The following ALG11 variants were observed in gnomAD, a reference collection of about 807,000 sequenced individuals.
ALG11 encodes ALG11 alpha-1,2-mannosyltransferase.
In ALG11, 26 loss-of-function variants were observed where a neutral mutation model predicts 38.8. That is an observed-to-expected ratio of 0.67 (90% CI 0.49 to 0.93). ALG11 has a LOEUF of 0.93. Among genes scored for constraint, ALG11 ranks in the 40% least tolerant of loss-of-function variants. The probability of loss-of-function intolerance (pLI) is 0.00; values close to 1 mark genes in which losing one functional copy is unlikely to be tolerated. For synonymous variants in ALG11, 199 were observed against 211.6 expected (o/e 0.94, Z 0.52); for missense variants, 535 against 578.8 (o/e 0.92, Z 0.78).
Position 52,032,813 on chromosome 13 carries a change from A to C in ALG11, c.*4223A>C. ...TCTCTTATTTTCAGCTTTACAGACAAGAACAATTTAAATCTAAAGAATTTA... is the reference window on the plus strand; with the variant it reads ...TCTCTTATTTTCAGCTTTACAGACACGAACAATTTAAATCTAAAGAATTTA... On this transcript the variant is annotated 3_prime_UTR_variant, in exon 4 of 4. Transcript: ENST00000521508. 1.8e-5 allele frequency: 3 copies of C among 167,238 alleles called. No homozygotes were observed. 10.4% of individuals were successfully genotyped at this position (167,238 alleles called of 1,614,324 possible).
At position 52,012,411 on chromosome 13, in the gene ALG11, G is replaced by A; in HGVS notation, c.-8G>A. On this transcript the variant is annotated 5_prime_UTR_variant, in exon 1 of 4. Coordinates refer to ENST00000521508, the MANE Select transcript of ALG11 (RefSeq NM_001004127.3). ...GAAGCGTTTCCTGAGTTCGGGGGTCGGCGGAAGATGGCGGCCGGCGAAAGG... is the reference window on the plus strand; with the variant it reads ...GAAGCGTTTCCTGAGTTCGGGGGTCAGCGGAAGATGGCGGCCGGCGAAAGG... The A allele has an allele frequency of 1.2e-6, 2 of 1,614,168 alleles. No homozygotes were observed. The highest frequency in any genetic ancestry group is 1.7e-6 in the Non-Finnish European group (2 of 1,180,048).
chr13:52,013,095 C>A (rs1954096866), intron 1 of ALG11, among the ~76,000 whole-genome samples: 1 of 152,126 alleles, frequency 6.6e-6, no homozygotes, highest in Non-Finnish European at 1.5e-5. Context: ...TGCTACCATC[C>A]GGAGATAGCC....
At position 52,028,378 on chromosome 13, in the gene ALG11, A is replaced by G. The variant is rs1466791575; in HGVS notation, c.1267A>G (p.Lys423Glu). 2.0e-5 allele frequency: 33 copies of G among 1,614,010 alleles called. No homozygotes were observed. The highest frequency in any genetic ancestry group is 2.4e-5 in the Non-Finnish European group (28 of 1,180,028). Residue 423 changes from lysine to glutamate, a missense_variant, in exon 4 of 4, where the codon AAG (lysine) becomes GAG (glutamate). By Grantham distance (56) the Lys-to-Glu change is moderately conservative (BLOSUM62 1). Coordinates refer to ENST00000521508, the MANE Select transcript of ALG11 (RefSeq NM_001004127.3). ...IILAHNSGGPKLDIVVPHEGD... is the reference protein window; with the variant it reads ...IILAHNSGGPELDIVVPHEGD... ...CCTTGCACACAATTCGGGGGGCCCAAAGCTTGACATTGTGGTTCCTCACGA... is the reference window on the plus strand; with the variant it reads ...CCTTGCACACAATTCGGGGGGCCCAGAGCTTGACATTGTGGTTCCTCACGA...
chr13:52,032,771 A>G lies in ALG11; in HGVS notation c.*4181A>G, dbSNP rs927403679. 6.0e-6 allele frequency: 1 copy of G among 167,096 alleles called. No homozygotes were observed. Among genetic ancestry groups the G allele is most frequent in the Non-Finnish European group, 1.5e-5 (1 of 68,116 alleles). The allele number at this position is 167,096 out of a possible 1,614,324, so 10.4% of individuals were successfully genotyped here. Reference sequence around the variant, plus strand: ...TAGAAATTGGAGTGAAAGGAACCCTACAGATTAGCCCAGTTCTCTCTTATT... The same window carrying G: ...TAGAAATTGGAGTGAAAGGAACCCTGCAGATTAGCCCAGTTCTCTCTTATT... On this transcript the variant is annotated 3_prime_UTR_variant, in exon 4 of 4. Transcript: ENST00000521508.
intron 2 of ALG11, 54 bp downstream of exon 2, chr13:52,019,197 T>C: frequency 7.5e-7 from 1 of 1,328,984 alleles, no homozygotes; most frequent in East Asian, 2.4e-5. Flanking sequence ...TTCTTAAAAA[T>C]TATTATCCAG....
intron 2 of ALG11, chr13:52,023,446 A>C (rs1284499852): frequency 1.3e-5 from 2 of 152,040 alleles, no homozygotes; most frequent in Admixed American, 1.3e-4. Flanking sequence ...TAAAAATACA[A>C]AATTAGCCGG....
In ALG11 at chr13:52,030,380, C is replaced by T; in HGVS notation, c.*1790C>T. On this transcript the variant is annotated 3_prime_UTR_variant, in exon 4 of 4. Coordinates refer to ENST00000521508, the MANE Select transcript of ALG11 (RefSeq NM_001004127.3). ...AGAAGATTGTTTTCAAAATAAGGAG[C>T]TTCCCAGACCTGTGTTAGAAGGACA... 6.2e-7 allele frequency: 1 copy of T among 1,614,198 alleles called. No individual in the cohort carries two copies. Among genetic ancestry groups the T allele is most frequent in the South Asian group, 1.1e-5 (1 of 91,086 alleles).
Position 52,031,221 on chromosome 13 carries a change from C to A in ALG11, c.*2631C>A. Reference sequence around the variant, plus strand: ...GCTCAGCACATTGCATGTAGTTGAGCCACATTTTTTAAAAAAAGAAAATGG... The same window carrying A: ...GCTCAGCACATTGCATGTAGTTGAGACACATTTTTTAAAAAAAGAAAATGG... On this transcript the variant is annotated 3_prime_UTR_variant, in exon 4 of 4. Transcript: ENST00000521508. 1 of 1,444,536 alleles carries A rather than the reference C, an allele frequency of 6.9e-7. No individual in the cohort carries two copies. Among genetic ancestry groups the A allele is most frequent in the Non-Finnish European group, 9.2e-7 (1 of 1,083,920 alleles). 89.5% of individuals were successfully genotyped at this position (1,444,536 alleles called of 1,614,324 possible). A position where few individuals can be genotyped will look rare whatever the true frequency, so the allele number is the denominator to read the frequency against.
chr13:52,026,876 C>T (rs953425567), intron 3 of ALG11, among the ~76,000 whole-genome samples: 2 of 152,014 alleles, frequency 1.3e-5, no homozygotes, highest in African/African-American at 4.8e-5. Context: ...ATCAAAGCTC[C>T]CGTGGATGTG....
At chr13:52,027,621 A>G (rs1356684725) in intron 3 of ALG11, among the ~76,000 whole-genome samples, 15 of 152,204 alleles carry the variant, frequency 9.9e-5, no homozygotes, top group Admixed American at 9.8e-4. Context: ...GGCTAGAGTA[A>G]TTTATATTTC....
At position 52,029,127 on chromosome 13, in the gene ALG11, G is replaced by T. The variant is rs149348593; in HGVS notation, c.*537G>T. ...GCCACTGTAAAAAAGCAACTGAATA[G>T]AGTCAAATCAAAGAAGGTGGTGGAG... On this transcript the variant is annotated 3_prime_UTR_variant, in exon 4 of 4. Transcript: ENST00000521508. The T allele has an allele frequency of 1.5e-5, 24 of 1,614,072 alleles. No individual in the cohort carries two copies. The African/African-American group carries it at 2.4e-4, about 16-fold the overall frequency.
intron 2 of ALG11, among the ~76,000 whole-genome samples, chr13:52,019,371 G>A (rs1177211219): frequency 1.3e-5 from 2 of 151,704 alleles, no homozygotes; most frequent in Non-Finnish European, 2.9e-5. Flanking sequence ...ACAGGTGCCC[G>A]CCACCACGTC....
At chr13:52,028,209 TTAAG>T (rs1228912797) in intron 3 of ALG11, 106 bp from the exon 4 acceptor site, 7 of 1,275,488 alleles carry the variant, frequency 5.5e-6, no homozygotes, top group Admixed American at 1.9e-5. Context: ...ATACATTTAA[TTAAG>T]TTTCTCATAA....
intron 1 of ALG11, among the ~76,000 whole-genome samples, chr13:52,015,435 T>C (rs1447240661): frequency 1.3e-5 from 2 of 152,100 alleles, no homozygotes; most frequent in South Asian, 2.1e-4. Context: ...ACTTTTCTGA[T>C]GAATTTGTAT....
At chr13:52,019,216 CTTTTTTTTTTTTT>C in intron 2 of ALG11, 73 bp downstream of exon 2, 1 of 447,030 alleles carries the variant, frequency 2.2e-6, no homozygotes, top group East Asian at 5.7e-5. Flanking sequence ...AGAAATTCAT[CTTTTTTTTTTTTT>C]TTTTTTTTTT....
chr13:52,028,699 A>AACAG lies in ALG11; in HGVS notation c.*113_*116dup. On this transcript the variant is annotated 3_prime_UTR_variant, in exon 4 of 4. Coordinates refer to ENST00000521508, the MANE Select transcript of ALG11 (RefSeq NM_001004127.3). ...TTTGTCAAATCATTTTACTTTAGAA[A>AACAG]ACAGACAAAATTTCCTTTTAGAATA... 6.4e-7 allele frequency: 1 copy of AACAG among 1,573,908 alleles called. No individual in the cohort carries two copies. Among genetic ancestry groups the AACAG allele is most frequent in the Non-Finnish European group, 8.7e-7 (1 of 1,153,242 alleles).
chr13:52,028,247 T>C, intron 3 of ALG11, 72 bp from the exon 4 acceptor site: 1 of 1,584,342 alleles, frequency 6.3e-7, no homozygotes, highest in Non-Finnish European at 8.6e-7. Flanking sequence ...TTTGAAGATT[T>C]CTATTCATCC....
chr13:52,025,359 C>A (rs150350557), intron 3 of ALG11, among the ~76,000 whole-genome samples: 1 of 152,158 alleles, frequency 6.6e-6, no homozygotes. Context: ...TCCATCTAAC[C>A]CCACTACATA....
intron 2 of ALG11, among the ~76,000 whole-genome samples, chr13:52,019,370 C>T (rs1485340762): frequency 4.6e-5 from 7 of 151,850 alleles, no homozygotes; most frequent in East Asian, 1.9e-4. Context: ...TACAGGTGCC[C>T]GCCACCACGT....
Sources: gnomAD v4.1 joint callset for allele counts (sites outside exome capture counted in the v4.1 genomes callset) on GRCh38, gnomAD v4.1.1 for gene constraint, MANE v1.5 for transcripts, NCBI Gene and HGNC (gene_info 2026-07-23, HGNC 2026-07-21) for gene names.